The following BCL2L1 variants were observed in gnomAD, a reference collection of about 807,000 sequenced individuals.
BCL2L1 encodes BCL2 like 1.
In BCL2L1, 1 loss-of-function variant was observed where a neutral mutation model predicts 18.7. That is an observed-to-expected ratio of 0.05 (90% CI 0.02 to 0.25). The LOEUF is 0.25. BCL2L1 is among the 10% of genes least tolerant of loss of function. The probability of loss-of-function intolerance (pLI) is 1.00; values close to 1 mark genes in which losing one functional copy is unlikely to be tolerated. For synonymous variants in BCL2L1, 103 were observed against 122.7 expected (o/e 0.84, Z 1.06); for missense variants, 207 against 304.9 (o/e 0.68, Z 2.39).
At chr20:31,684,457 C>T (rs2060921858) in intron 2 of BCL2L1, among the ~76,000 whole-genome samples, 1 of 152,170 alleles carries the variant, frequency 6.6e-6, no homozygotes, top group Admixed American at 6.6e-5. Context: ...TCCGTAAACA[C>T]CAGACAGGCG....
At position 31,720,441 on chromosome 20, in the gene BCL2L1, A is replaced by G. The variant is rs539514457; in HGVS notation, c.564+1214T>C. ...ACTCTGAGGGGATAGAACATCTCTC[A>G]TAAAACCTGCACCTCCGCTAGGTAG... is the stretch of plus-strand genomic sequence containing the variant. On this transcript the variant is annotated intron_variant, in intron 2 of 2. Coordinates refer to ENST00000307677, the MANE Select transcript of BCL2L1 (RefSeq NM_138578.3). 11 of 766,538 alleles carry G rather than the reference A, an allele frequency of 1.4e-5. No homozygotes were observed. The Admixed American group carries it at 2.5e-4, about 17-fold the overall frequency. The allele number at this position is 766,538 out of a possible 1,614,324, so 47.5% of individuals were successfully genotyped here. A position where few individuals can be genotyped will look rare whatever the true frequency, so the allele number is the denominator to read the frequency against.
intron 2 of BCL2L1, among the ~76,000 whole-genome samples, chr20:31,699,105 G>C (rs1056683278): frequency 1.3e-5 from 2 of 152,224 alleles, no homozygotes; most frequent in South Asian, 2.1e-4. Context: ...GGGCCTTCCT[G>C]TGAATCCTCC....
Position 31,721,911 on chromosome 20 carries a change from C to T in BCL2L1, c.308G>A (p.Arg103Gln), listed in dbSNP as rs2122875585. Residue 103 changes from arginine to glutamine, a missense_variant, in exon 2 of 3, where the codon CGG becomes CAG. Physicochemically the swap from Arg to Gln is conservative, Grantham distance 43. Transcript: ENST00000307677. ...CTGGGATGTCAGGTCACTGAATGCC[C>T]GCCGGTACCGCAGTTCAAACTCGTC... ...AGDEFELRYR[R>Q]AFSDLTSQLH... The T allele has an allele frequency of 6.2e-7, 1 of 1,614,140 alleles. No individual in the cohort carries two copies. The highest frequency in any genetic ancestry group is 8.5e-7 in the Non-Finnish European group (1 of 1,180,018).
chr20:31,723,920 G>A (rs2061675313), upstream of BCL2L1: 1 of 985,442 alleles, frequency 1.0e-6, no homozygotes, highest in Non-Finnish European at 1.2e-6. Context: ...TTCCCCTGAA[G>A]AGACAGGGGA....
intron 2 of BCL2L1, among the ~76,000 whole-genome samples, chr20:31,682,162 TA>T (rs1368550814): frequency 1.3e-5 from 2 of 152,328 alleles, no homozygotes; most frequent in East Asian, 3.9e-4. Flanking sequence ...AATGAATAAA[TA>T]AATAAGGTAA....
At chr20:31,709,840 C>CAAAAAAAAAAAAAAA (rs56937786) in intron 2 of BCL2L1, among the ~76,000 whole-genome samples, 1 of 64,070 alleles carries the variant, frequency 1.6e-5, no homozygotes, top group Non-Finnish European at 3.4e-5. Flanking sequence ...GACTCCATCT[C>CAAAAAAAAAAAAAAA]AAAAAAAAAA....
chr20:31,682,228 G>C (rs1473767946), intron 2 of BCL2L1, among the ~76,000 whole-genome samples: 2 of 152,202 alleles, frequency 1.3e-5, no homozygotes, highest in Non-Finnish European at 2.9e-5. Flanking sequence ...AAATTAACAG[G>C]AGGTAGGCCT....
intron 2 of BCL2L1, among the ~76,000 whole-genome samples, chr20:31,704,289 C>T (rs578210566): frequency 2.0e-5 from 3 of 151,480 alleles, no homozygotes; most frequent in East Asian, 2.0e-4. Context: ...TTAGCAGAGA[C>T]GGGGTTTCCA....
intron 2 of BCL2L1, among the ~76,000 whole-genome samples, chr20:31,681,687 ATGAATTAGATGTGGACTG>A (rs1487442314): frequency 3.3e-5 from 5 of 152,192 alleles, no homozygotes; most frequent in Admixed American, 1.3e-4. Flanking sequence ...GGATTTGCTG[ATGAATTAGATGTGGACTG>A]TGGGAGTTGC....
At chr20:31,674,935 C>T (rs1005484056) in intron 2 of BCL2L1, among the ~76,000 whole-genome samples, 1 of 151,760 alleles carries the variant, frequency 6.6e-6, no homozygotes, top group Non-Finnish European at 1.5e-5. Flanking sequence ...GCAGCAAACC[C>T]CATATTCTGA....
At chr20:31,692,589 T>G (rs1299751743) in intron 2 of BCL2L1, among the ~76,000 whole-genome samples, 2 of 147,316 alleles carry the variant, frequency 1.4e-5, no homozygotes, top group Non-Finnish European at 1.5e-5. Context: ...GCCTGGCCAA[T>G]GTGGTGAAAC....
chr20:31,722,294 G>GTGAT lies in BCL2L1; in HGVS notation c.-80_-77dup, dbSNP rs1187996957. On this transcript the variant is annotated 5_prime_UTR_variant, in exon 2 of 3. Coordinates refer to ENST00000307677, the MANE Select transcript of BCL2L1 (RefSeq NM_138578.3). The stretch of plus-strand genomic sequence containing the variant: ...ACTCACTGAGTCTCGTCTCTGGTTA[G>GTGAT]TGATTCTCTTCTAAGATCCAAAGCC... 8.9e-7 allele frequency: 1 copy of GTGAT among 1,119,540 alleles called. No homozygotes were observed. Among genetic ancestry groups the GTGAT allele is most frequent in the Non-Finnish European group, 1.2e-6 (1 of 827,264 alleles). The allele number at this position is 1,119,540 out of a possible 1,614,324, so 69.4% of individuals were successfully genotyped here.
At chr20:31,669,366 C>T (rs563049923) in intron 2 of BCL2L1, among the ~76,000 whole-genome samples, 1 of 151,836 alleles carries the variant, frequency 6.6e-6, no homozygotes, top group African/African-American at 2.4e-5. Flanking sequence ...GCCTCACCAC[C>T]TCACCACATT....
At chr20:31,670,368 G>C (rs935184297) in intron 2 of BCL2L1, among the ~76,000 whole-genome samples, 1 of 152,198 alleles carries the variant, frequency 6.6e-6, no homozygotes, top group African/African-American at 2.4e-5. Flanking sequence ...TATCCCAAGA[G>C]GCCAAATGTC....
chr20:31,687,020 T>C (rs1476811819), intron 2 of BCL2L1, among the ~76,000 whole-genome samples: 1 of 152,156 alleles, frequency 6.6e-6, no homozygotes, highest in Non-Finnish European at 1.5e-5. Flanking sequence ...ATTGTGAAGA[T>C]TAAAAATACT....
rs2061656699 is a variant in BCL2L1, at chr20:31,722,680, G to A, written c.-193C>T. 1 of 152,518 alleles carries A rather than the reference G, an allele frequency of 6.6e-6. No homozygotes were observed. Among genetic ancestry groups the A allele is most frequent in the Admixed American group, 6.5e-5 (1 of 15,292 alleles). The allele number at this position is 152,518 out of a possible 1,614,324, so 9.4% of individuals were successfully genotyped here. A position where few individuals can be genotyped will look rare whatever the true frequency, so the allele number is the denominator to read the frequency against. ...CCCCCGGAAGATCTTTTGTATCACA[G>A]GTCGGGAGAGGAGGTGGCTGCGGGG... On this transcript the variant is annotated 5_prime_UTR_variant, in exon 1 of 3. Coordinates refer to ENST00000307677, the MANE Select transcript of BCL2L1 (RefSeq NM_138578.3).
chr20:31,709,437 C>T (rs1045748095), intron 2 of BCL2L1, among the ~76,000 whole-genome samples: 1 of 152,110 alleles, frequency 6.6e-6, no homozygotes, highest in Admixed American at 6.5e-5. Context: ...TTTCAGCTCA[C>T]TGCAACCTCC....
chr20:31,713,366 G>C, intron 2 of BCL2L1: 1 of 985,418 alleles, frequency 1.0e-6, no homozygotes, highest in Non-Finnish European at 1.2e-6. Context: ...CAAGAGGAAA[G>C]GCAGGGACAC....
intron 2 of BCL2L1, among the ~76,000 whole-genome samples, chr20:31,685,711 T>C (rs898149530): frequency 6.6e-6 from 1 of 152,162 alleles, no homozygotes; most frequent in African/African-American, 2.4e-5. Context: ...TCCAAAGCAC[T>C]AAGATCCTAT....
Sources: gnomAD v4.1 joint callset for allele counts (sites outside exome capture counted in the v4.1 genomes callset) on GRCh38, gnomAD v4.1.1 for gene constraint, MANE v1.5 for transcripts, NCBI Gene and HGNC (gene_info 2026-07-23, HGNC 2026-07-21) for gene names.